The following CAMK1D variants were observed in gnomAD, a reference collection of about 807,000 sequenced individuals.
The protein encoded by CAMK1D is calcium/calmodulin-dependent protein kinase type 1D.
CAMK1D carries 9 observed loss-of-function variants against 47.7 expected under a neutral mutation model. That is an observed-to-expected ratio of 0.19 (90% CI 0.11 to 0.33). CAMK1D has a LOEUF of 0.33. Ranked by LOEUF, CAMK1D falls within the 10% of genes least tolerant of loss-of-function variation. The pLI is 1.00. For missense variants in CAMK1D, 291 were observed against 488.7 expected, an observed-to-expected ratio of 0.60 and a Z score of 3.81; for synonymous variants, 184 against 184.9, an observed-to-expected ratio of 0.99 and a Z score of 0.04.
At chr10:12,362,053 A>G (rs1332467344) in intron 1 of CAMK1D, among the ~76,000 whole-genome samples, 1 of 152,118 alleles carries the variant, frequency 6.6e-6, no homozygotes, top group Admixed American at 6.6e-5. Context: ...GCTCCTTAAA[A>G]CAAAAGACAA....
At chr10:12,780,182 G>A (rs776615722) in intron 5 of CAMK1D, among the ~76,000 whole-genome samples, 3 of 152,140 alleles carry the variant, frequency 2.0e-5, no homozygotes, top group East Asian at 1.9e-4. Flanking sequence ...GATGTGGGGC[G>A]TGGGATTATG....
intron 3 of CAMK1D, among the ~76,000 whole-genome samples, chr10:12,695,213 A>G (rs1019111681): frequency 6.6e-6 from 1 of 152,210 alleles, no homozygotes; most frequent in Non-Finnish European, 1.5e-5. Flanking sequence ...AAAAGATCCC[A>G]TTAAAGTACA....
At chr10:12,804,480 G>A (rs1242692880) in intron 6 of CAMK1D, among the ~76,000 whole-genome samples, 1 of 152,010 alleles carries the variant, frequency 6.6e-6, no homozygotes, top group South Asian at 2.1e-4. Flanking sequence ...CAGGCGTGGT[G>A]GTGGGTACCT....
chr10:12,802,374 A>G (rs1031760811), intron 6 of CAMK1D, among the ~76,000 whole-genome samples: 3 of 152,040 alleles, frequency 2.0e-5, no homozygotes, highest in Admixed American at 6.5e-5. Context: ...CTCAGTATAA[A>G]TGCAGTCTCA....
At chr10:12,422,693 GAC>G (rs1246142458) in intron 1 of CAMK1D, among the ~76,000 whole-genome samples, 1 of 151,034 alleles carries the variant, frequency 6.6e-6, no homozygotes, top group Non-Finnish European at 1.5e-5. Flanking sequence ...TCTTTTTTGA[GAC>G]AGAGTCTCAG....
At chr10:12,427,948 C>T (rs1471745264) in intron 1 of CAMK1D, among the ~76,000 whole-genome samples, 1 of 151,662 alleles carries the variant, frequency 6.6e-6, no homozygotes, top group African/African-American at 2.4e-5. Flanking sequence ...CCTTGTGATC[C>T]TCCCACCTTG....
intron 1 of CAMK1D, among the ~76,000 whole-genome samples, chr10:12,361,327 A>G (rs1027090633): frequency 3.4e-5 from 5 of 148,464 alleles, no homozygotes; most frequent in Admixed American, 1.4e-4. Flanking sequence ...GCTCACTGCA[A>G]TCTCTGCCTC....
At chr10:12,473,875 C>G (rs894792048) in intron 1 of CAMK1D, among the ~76,000 whole-genome samples, 1 of 152,188 alleles carries the variant, frequency 6.6e-6, no homozygotes, top group Non-Finnish European at 1.5e-5. Context: ...AAGTCCTCTG[C>G]AGTTTTTGTA....
chr10:12,791,298 A>C, intron 6 of CAMK1D, 65 bp downstream of exon 6: 1 of 1,411,808 alleles, frequency 7.1e-7, no homozygotes, highest in Non-Finnish European at 1.0e-6. Flanking sequence ...TGAAATATAC[A>C]TGAAACAAAA....
chr10:12,568,140 C>A (rs1463552648), intron 2 of CAMK1D, among the ~76,000 whole-genome samples: 1 of 93,220 alleles, frequency 1.1e-5, no homozygotes, highest in Non-Finnish European at 2.1e-5. Context: ...CTCCCTCCCT[C>A]CCTCTCTCCC....
chr10:12,569,745 TTGTG>T (rs1322005952), intron 2 of CAMK1D, among the ~76,000 whole-genome samples: 1 of 95,028 alleles, frequency 1.1e-5, no homozygotes, highest in Non-Finnish European at 2.2e-5. Flanking sequence ...AAAAAAAAAA[TTGTG>T]TGGTGAACGT....
intron 5 of CAMK1D, among the ~76,000 whole-genome samples, chr10:12,777,228 G>A (rs1388768028): frequency 6.6e-6 from 1 of 152,184 alleles, no homozygotes; most frequent in East Asian, 1.9e-4. Flanking sequence ...ACAGAGAAGG[G>A]GCAGTGGGTG....
chr10:12,622,130 C>T (rs1435917879), intron 2 of CAMK1D, among the ~76,000 whole-genome samples: 4 of 152,186 alleles, frequency 2.6e-5, no homozygotes, highest in Non-Finnish European at 5.9e-5. Flanking sequence ...TCTTTGACTC[C>T]ACCATGGTTG....
Position 12,825,596 on chromosome 10 carries a change from C to G in CAMK1D, c.945C>G (p.Val315=). ...KWRQAFNATA[V]VRHMRKLHLG... ...AGCAAGCATTTAATGCCACGGCCGTCGTCAGACATATGAGAAAACTACACC... is the reference window on the plus strand; with the variant it reads ...AGCAAGCATTTAATGCCACGGCCGTGGTCAGACATATGAGAAAACTACACC... The change falls in exon 10 of 11, where the codon GTC becomes GTG. Residue 315 remains valine (V), a synonymous_variant. Coordinates refer to ENST00000619168, the MANE Select transcript of CAMK1D (RefSeq NM_153498.4). The G allele has an allele frequency of 3.7e-6, 6 of 1,609,840 alleles. No individual in the cohort carries two copies. Among genetic ancestry groups the G allele is most frequent in the Non-Finnish European group, 5.1e-6 (6 of 1,178,910 alleles).
rs2482033 is a variant in CAMK1D, at chr10:12,796,767, C to T, written c.641+5534C>T. On this transcript the variant is annotated intron_variant, in intron 6 of 10. Transcript: ENST00000619168. The stretch of plus-strand genomic sequence containing the variant: ...AGCTTTGTGAGGTGGGGCACGGTGC[C>T]TCATTCAGGCCACTGTGGGCCCATG... 1.8e-3 allele frequency among the ~76,000 whole-genome samples: 270 copies of T among 152,250 alleles called. 2 individuals carry two copies. The highest frequency in any genetic ancestry group is 6.2e-3 in the African/African-American group (256 of 41,550).
chr10:12,557,724 T>C (rs532996404), intron 2 of CAMK1D, among the ~76,000 whole-genome samples: 24 of 152,324 alleles, frequency 1.6e-4, no homozygotes, highest in Non-Finnish European at 2.6e-4. Flanking sequence ...TATTTGTGTT[T>C]GTTTCCTGGC....
At chr10:12,444,065 G>C (rs879851119) in intron 1 of CAMK1D, among the ~76,000 whole-genome samples, 3 of 152,120 alleles carry the variant, frequency 2.0e-5, no homozygotes, top group Admixed American at 6.5e-5. Flanking sequence ...TGGCGCTGGC[G>C]GGAGTGTAGC....
intron 1 of CAMK1D, among the ~76,000 whole-genome samples, chr10:12,526,161 A>G (rs1254280706): frequency 6.6e-6 from 1 of 152,256 alleles, no homozygotes; most frequent in Non-Finnish European, 1.5e-5. Flanking sequence ...TTTAAAAAGC[A>G]GACAGCCAAG....
rs3802568 is a variant in CAMK1D, at chr10:12,778,261, G to A, written c.565+8462G>A. On this transcript the variant is annotated intron_variant, in intron 5 of 10. Transcript: ENST00000619168. ...AAATGAGCTCTCTAACAATGAAACC[G>A]AAATTGGTGCTTTTTCCCCAAGTAT... Among the ~76,000 whole-genome samples, 1,185 of 152,346 alleles carry A rather than the reference G, an allele frequency of 7.8e-3. 36 individuals carry two copies. In the East Asian group the frequency reaches 0.11, roughly 15 times the overall value.
Sources: allele counts gnomAD v4.1 joint callset (sites outside exome capture counted in the v4.1 genomes callset), GRCh38; gene constraint gnomAD v4.1.1; transcripts MANE v1.5; gene names NCBI Gene and HGNC (gene_info 2026-07-23, HGNC 2026-07-21).